GFRA2: variants seen among roughly 807,000 people sequenced by gnomAD.
The protein encoded by GFRA2 is GDNF family receptor alpha-2.
GFRA2 carries 17 observed loss-of-function variants against 48.3 expected under a neutral mutation model. That is an observed-to-expected ratio of 0.35 (90% CI 0.24 to 0.53). The LOEUF is 0.53. GFRA2 is among the 20% of genes least tolerant of loss of function. The pLI is 0.93. For synonymous variants in GFRA2, 305 were observed against 257.2 expected (o/e 1.19, Z -1.78); for missense variants, 660 against 637.3 (o/e 1.04, Z -0.38).
At chr8:21,787,441 C>T (rs1807338683) in intron 1 of GFRA2, among the ~76,000 whole-genome samples, 1 of 152,198 alleles carries the variant, frequency 6.6e-6, no homozygotes, top group Admixed American at 6.5e-5. Flanking sequence ...AGGCCGGGAA[C>T]GGCTGCTCAC....
chr8:21,751,050 C>G, intron 3 of GFRA2, 108 bp from the exon 4 acceptor site: 1 of 756,760 alleles, frequency 1.3e-6, no homozygotes. Context: ...TTCCATGTGC[C>G]TGCTCTGTGC....
At position 21,750,071 on chromosome 8, in the gene GFRA2, ATGTGTGTGTG is replaced by A. The variant is rs148033575; in HGVS notation, c.794+507_794+516del. Among the ~76,000 whole-genome samples the A allele has an allele frequency of 6.7e-6, 1 of 149,840 alleles. No individual in the cohort carries two copies. Among genetic ancestry groups the A allele is most frequent in the East Asian group, 2.0e-4 (1 of 5,082 alleles). On this transcript the variant is annotated intron_variant, in intron 4 of 8. Transcript: ENST00000524240. This position sits in a 1 kb window ranked among gnomAD's most constrained non-coding sequence, Gnocchi z 5.7. ...TATGTAAGTATATATATGTGTATAT[ATGTGTGTGTG>A]TGTGTATACACACACACACACACAC...
intron 1 of GFRA2, among the ~76,000 whole-genome samples, chr8:21,786,770 C>T (rs902934106): frequency 4.6e-5 from 7 of 152,198 alleles, no homozygotes; most frequent in Admixed American, 3.3e-4. Flanking sequence ...CCAATGACTC[C>T]GGTCCCCTAT....
chr8:21,798,805 C>G (rs1807721344), intron 2 of GFRA2, among the ~76,000 whole-genome samples: 1 of 152,186 alleles, frequency 6.6e-6, no homozygotes, highest in Admixed American at 6.5e-5. Flanking sequence ...CTCGGTGCTC[C>G]TTTGTAAAAA....
chr8:21,741,158 C>G (rs1407950514), intron 4 of GFRA2, among the ~76,000 whole-genome samples: 1 of 152,198 alleles, frequency 6.6e-6, no homozygotes, highest in East Asian at 1.9e-4. Flanking sequence ...ACTCAGAAGT[C>G]CAAACTCCTT....
intron 4 of GFRA2, among the ~76,000 whole-genome samples, chr8:21,742,211 T>C (rs891382436): frequency 2.0e-5 from 3 of 152,154 alleles, no homozygotes; most frequent in Non-Finnish European, 4.4e-5. Flanking sequence ...TCCAGCGTGA[T>C]GGTATTTGGA....
rs1804080725 is a variant in GFRA2, at chr8:21,729,632, C to A, written c.794+20956G>T. Among the ~76,000 whole-genome samples, 3 of 152,336 alleles carry A rather than the reference C, an allele frequency of 2.0e-5. No individual in the cohort carries two copies. In the South Asian group the frequency reaches 6.2e-4, roughly 32 times the overall value. ...CTACAATGTTGTCAAAATCCACAGA[C>A]ACACACAGACAAGCTCGCAGGGAAA... On this transcript the variant is annotated intron_variant, in intron 4 of 8. Coordinates refer to ENST00000524240, the MANE Select transcript of GFRA2 (RefSeq NM_001495.5).
chr8:21,806,318 T>C (rs969792741), intron 1 of GFRA2, among the ~76,000 whole-genome samples: 1 of 152,110 alleles, frequency 6.6e-6, no homozygotes, highest in African/African-American at 2.4e-5. Context: ...TCCAGAAGAG[T>C]ACTCAATAAA....
At chr8:21,746,717 C>G (rs1404657797) in intron 4 of GFRA2, among the ~76,000 whole-genome samples, 4 of 151,772 alleles carry the variant, frequency 2.6e-5, no homozygotes, top group Non-Finnish European at 4.4e-5. Context: ...AGCCCTGTTT[C>G]AACGCCGTTT....
chr8:21,755,030 CAGTG>C (rs1805501031), intron 3 of GFRA2, among the ~76,000 whole-genome samples: 1 of 152,118 alleles, frequency 6.6e-6, no homozygotes, highest in Non-Finnish European at 1.5e-5. Flanking sequence ...AAAACAGAGA[CAGTG>C]AGATCAGTGG....
chr8:21,811,966 C>G (rs1056463276), intron 1 of GFRA2, among the ~76,000 whole-genome samples: 1 of 152,110 alleles, frequency 6.6e-6, no homozygotes, highest in Non-Finnish European at 1.5e-5. Context: ...GATTACTTCA[C>G]CAACACTGAA....
intron 3 of GFRA2, among the ~76,000 whole-genome samples, chr8:21,758,228 C>CCT (rs1805683200): frequency 7.0e-6 from 1 of 143,600 alleles, no homozygotes; most frequent in South Asian, 2.2e-4. Context: ...CACACACACA[C>CCT]CTCACCCAGC....
intron 4 of GFRA2, among the ~76,000 whole-genome samples, chr8:21,743,036 A>G (rs116531202): frequency 0.011 from 1,728 of 152,268 alleles, 30 homozygotes; most frequent in African/African-American, 0.039. Flanking sequence ...AGCCTTTAGT[A>G]AAGTAATATC....
upstream of GFRA2, among the ~76,000 whole-genome samples, chr8:21,789,437 G>A (rs1807460297): frequency 6.6e-6 from 1 of 152,082 alleles, no homozygotes; most frequent in Non-Finnish European, 1.5e-5. Flanking sequence ...TGGGGCCCGA[G>A]CCATCCGGGG....
chr8:21,778,631 A>G (rs111517846), intron 2 of GFRA2, among the ~76,000 whole-genome samples: 7,175 of 152,328 alleles, frequency 0.047, 223 homozygotes, highest in Non-Finnish European at 0.073. Context: ...GCTTATGCCT[A>G]TAATTCCAAC....
At chr8:21,801,489 A>T (rs1427747038) in intron 2 of GFRA2, among the ~76,000 whole-genome samples, 2 of 152,142 alleles carry the variant, frequency 1.3e-5, no homozygotes, top group African/African-American at 4.8e-5. Context: ...CAGAAAATTC[A>T]TGCAGGCAGA....
chr8:21,754,406 C>G (rs1805452193), intron 3 of GFRA2, among the ~76,000 whole-genome samples: 1 of 152,062 alleles, frequency 6.6e-6, no homozygotes, highest in South Asian at 2.1e-4. Context: ...AACACAGGAC[C>G]ATGTGGGGCC....
intron 4 of GFRA2, among the ~76,000 whole-genome samples, chr8:21,738,864 C>T (rs1298051796): frequency 6.6e-6 from 1 of 152,234 alleles, no homozygotes; most frequent in Non-Finnish European, 1.5e-5. Context: ...AGGTGCAAGG[C>T]TCCCAGACAC....
At chr8:21,748,446 A>C (rs1048451944) in intron 4 of GFRA2, among the ~76,000 whole-genome samples, 1 of 152,304 alleles carries the variant, frequency 6.6e-6, no homozygotes, top group Non-Finnish European at 1.5e-5. Context: ...TCTCGCCACC[A>C]GGGTTCTATC....
Sources: gnomAD v4.1 joint callset for allele counts (sites outside exome capture counted in the v4.1 genomes callset) on GRCh38, gnomAD v4.1.1 for gene constraint, Gnocchi (gnomAD v3.1) non-coding constraint, MANE v1.5 for transcripts, NCBI Gene and HGNC (gene_info 2026-07-23, HGNC 2026-07-21) for gene names.